Variants in RGS17 observed in about 807,000 individuals in gnomAD.
RGS17 encodes the protein regulator of G protein signaling 17.
In RGS17, 12 loss-of-function variants were observed where a neutral mutation model predicts 25.5. The observed-to-expected ratio is 0.47, with a 90% CI of 0.30 to 0.76. The LOEUF (loss-of-function observed/expected upper bound fraction) is 0.76, where lower values mean the gene tolerates loss of function less well. Ranked by LOEUF, RGS17 falls within the 30% of genes least tolerant of loss-of-function variation. The probability of loss-of-function intolerance (pLI) is 0.07; values close to 1 mark genes in which losing one functional copy is unlikely to be tolerated. For synonymous variants in RGS17, 71 were observed against 76.9 expected (o/e 0.92, Z 0.40); for missense variants, 196 against 242.2 (o/e 0.81, Z 1.27).
intron 1 of RGS17, among the ~76,000 whole-genome samples, chr6:153,115,975 A>C (rs1777537851): frequency 6.6e-6 from 1 of 152,254 alleles, no homozygotes. Context: ...AAACCTTAGA[A>C]GAAAACCTAG....
chr6:153,016,276 G>C (rs1261197354), intron 4 of RGS17, among the ~76,000 whole-genome samples: 1 of 152,210 alleles, frequency 6.6e-6, no homozygotes, highest in East Asian at 1.9e-4. Context: ...TTATATGCCA[G>C]AGGGAAATGC....
chr6:153,057,431 C>T (rs552819162), intron 1 of RGS17, among the ~76,000 whole-genome samples: 1 of 152,202 alleles, frequency 6.6e-6, no homozygotes, highest in Non-Finnish European at 1.5e-5. Context: ...TCACCACTCC[C>T]AAGCTGTATT....
chr6:153,055,412 G>A (rs913171499), intron 1 of RGS17, among the ~76,000 whole-genome samples: 2 of 152,130 alleles, frequency 1.3e-5, no homozygotes, highest in Non-Finnish European at 2.9e-5. Context: ...TGAATATGTG[G>A]AGGTCAATTC....
chr6:153,070,981 A>T (rs1373644652), intron 1 of RGS17, among the ~76,000 whole-genome samples: 1 of 148,480 alleles, frequency 6.7e-6, no homozygotes, highest in East Asian at 2.0e-4. Flanking sequence ...ATATGTACAC[A>T]CATGTGTGTA....
intron 4 of RGS17, among the ~76,000 whole-genome samples, chr6:153,016,711 C>T (rs1779188611): frequency 1.3e-5 from 2 of 152,112 alleles, no homozygotes; most frequent in Admixed American, 1.3e-4. Flanking sequence ...ACCTTAATAT[C>T]AGGTTGTTTG....
chr6:153,122,144 A>G (rs867988466), intron 1 of RGS17, among the ~76,000 whole-genome samples: 3 of 151,998 alleles, frequency 2.0e-5, no homozygotes, highest in Non-Finnish European at 2.9e-5. Context: ...TCTCCTTCTC[A>G]TCTCATTTGT....
intron 1 of RGS17, among the ~76,000 whole-genome samples, chr6:153,078,697 T>C (rs1475663796): frequency 6.6e-6 from 1 of 152,052 alleles, no homozygotes; most frequent in Non-Finnish European, 1.5e-5. Context: ...AATTTATACT[T>C]TTAGCAACTT....
intron 1 of RGS17, among the ~76,000 whole-genome samples, chr6:153,069,739 C>CGTGTGTGTGTGTGTGTGT (rs60117149): frequency 7.8e-5 from 11 of 141,044 alleles, no homozygotes; most frequent in African/African-American, 2.5e-4. Flanking sequence ...ATATACACCT[C>CGTGTGTGTGTGTGTGTGT]GTGTGTGTGT....
At position 153,130,175 on chromosome 6, in the gene RGS17, G is replaced by C. The variant is rs1479855316; in HGVS notation, c.-26+949C>G. Among the ~76,000 whole-genome samples, 1 of 152,198 alleles carries C rather than the reference G, an allele frequency of 6.6e-6. No homozygotes were observed. The highest frequency in any genetic ancestry group is 6.5e-5 in the Admixed American group (1 of 15,280). On this transcript the variant is annotated intron_variant, in intron 1 of 4. Coordinates refer to ENST00000206262, the MANE Select transcript of RGS17 (RefSeq NM_012419.5). The surrounding 1 kb of genome is among the most constrained non-coding windows in gnomAD (Gnocchi z 6.4). ...AGACAGGGAGGCAGAGAGAAGAGGA[G>C]AAAGCGGCCGTGTCTGCACCCAGCC... is the stretch of plus-strand genomic sequence containing the variant.
chr6:153,104,247 T>C (rs1777347596), intron 1 of RGS17, among the ~76,000 whole-genome samples: 1 of 152,236 alleles, frequency 6.6e-6, no homozygotes, highest in Admixed American at 6.5e-5. Flanking sequence ...AAAGTGTTAT[T>C]GAATAACATG....
At chr6:153,016,518 G>A (rs1717690891) in intron 4 of RGS17, among the ~76,000 whole-genome samples, 1 of 152,120 alleles carries the variant, frequency 6.6e-6, no homozygotes, top group African/African-American at 2.4e-5. Flanking sequence ...TCAGTAGAAG[G>A]AATCATTATT....
In RGS17 at chr6:153,004,528, A is replaced by G. The variant is rs1245745823; in HGVS notation, c.*7046T>C. 4 of 152,200 alleles carry G rather than the reference A, an allele frequency of 2.6e-5. No homozygotes were observed. The highest frequency in any genetic ancestry group is 4.4e-5 in the Non-Finnish European group (3 of 68,014). 9.4% of individuals were successfully genotyped at this position (152,200 alleles called of 1,614,324 possible). A position where few individuals can be genotyped will look rare whatever the true frequency, so the allele number is the denominator to read the frequency against. On this transcript the variant is annotated 3_prime_UTR_variant, in exon 5 of 5. Coordinates refer to ENST00000206262, the MANE Select transcript of RGS17 (RefSeq NM_012419.5). ...CAGTGTAATGCATATGCATTTTACAATAACATCCATAGGTTTCCACAATCT... is the reference window on the plus strand; with the variant it reads ...CAGTGTAATGCATATGCATTTTACAGTAACATCCATAGGTTTCCACAATCT...
chr6:153,017,405 G>GCC (rs1779195722), intron 4 of RGS17, among the ~76,000 whole-genome samples: 1 of 152,152 alleles, frequency 6.6e-6, no homozygotes, highest in Non-Finnish European at 1.5e-5. Context: ...TGGAGGTAAA[G>GCC]CGAGGAGAAT....
chr6:153,068,516 G>A (rs1776740983), intron 1 of RGS17, among the ~76,000 whole-genome samples: 1 of 152,060 alleles, frequency 6.6e-6, no homozygotes, highest in Non-Finnish European at 1.5e-5. Context: ...GAAAACACTA[G>A]GGAACATCTC....
At chr6:153,020,995 T>C (rs1218119166) in intron 4 of RGS17, among the ~76,000 whole-genome samples, 3 of 152,192 alleles carry the variant, frequency 2.0e-5, no homozygotes, top group Non-Finnish European at 2.9e-5. Flanking sequence ...TCTGAATAAA[T>C]AGAAACATGT....
intron 4 of RGS17, among the ~76,000 whole-genome samples, chr6:153,015,657 CTTTT>C (rs540220104): frequency 6.6e-6 from 1 of 150,946 alleles, no homozygotes; most frequent in Non-Finnish European, 1.5e-5. Flanking sequence ...TATAGTATAT[CTTTT>C]TTTTGTTTTT....
intron 1 of RGS17, among the ~76,000 whole-genome samples, chr6:153,091,008 A>G (rs116992435): frequency 9.5e-4 from 144 of 152,336 alleles, no homozygotes; most frequent in Non-Finnish European, 1.9e-3. Context: ...AAACAATTTA[A>G]AAATAATAAA....
intron 1 of RGS17, among the ~76,000 whole-genome samples, chr6:153,123,357 T>C (rs12207848): frequency 0.09 from 13,669 of 152,212 alleles, 824 homozygotes; most frequent in East Asian, 0.18. Flanking sequence ...ATGTTAAATG[T>C]AGTGGCTGAC....
chr6:153,050,724 G>A (rs932473439), intron 1 of RGS17, among the ~76,000 whole-genome samples: 2 of 152,110 alleles, frequency 1.3e-5, no homozygotes, highest in Non-Finnish European at 2.9e-5. Context: ...TTTATACACT[G>A]GAGAAACTCA....
Sources: gnomAD v4.1 joint callset for allele counts (sites outside exome capture counted in the v4.1 genomes callset) on GRCh38, gnomAD v4.1.1 for gene constraint, Gnocchi (gnomAD v3.1) non-coding constraint, MANE v1.5 for transcripts, NCBI Gene and HGNC (gene_info 2026-07-23, HGNC 2026-07-21) for gene names.